FAM89A: variants seen among roughly 807,000 people sequenced by gnomAD.
FAM89A encodes the protein family with sequence similarity 89 member A, also known as protein FAM89A.
FAM89A carries 10 observed loss-of-function variants against 7.1 expected under a neutral mutation model. The observed-to-expected ratio is 1.40, with a 90% CI of 0.86 to 2.38. FAM89A has a LOEUF of 2.38. Among genes scored for constraint, FAM89A ranks in the 30% most tolerant of loss-of-function variants. FAM89A has a pLI of 0.00. For missense variants in FAM89A, 276 were observed against 262.8 expected (o/e 1.05, Z -0.35); for synonymous variants, 157 against 129.3 (o/e 1.21, Z -1.45).
At chr1:231,038,685 C>T (rs4543780) in intron 1 of FAM89A, among the ~76,000 whole-genome samples, 37,520 of 152,108 alleles carry the variant, frequency 0.25, 4,901 homozygotes, top group Non-Finnish European at 0.29. Context: ...TCAATGCCAG[C>T]TACAGAGTAG....
chr1:231,034,200 T>C (rs1019546839), intron 1 of FAM89A, among the ~76,000 whole-genome samples: 1 of 152,144 alleles, frequency 6.6e-6, no homozygotes, highest in African/African-American at 2.4e-5. Flanking sequence ...CCCCAAGCAA[T>C]ATGCTTGGTG....
At position 231,032,996 on chromosome 1, in the gene FAM89A, A is replaced by C. The variant is rs1680100266; in HGVS notation, c.291+6925T>G. On this transcript the variant is annotated intron_variant, in intron 1 of 1. Transcript: ENST00000366654. ...AAGGAAGTGAACAGAGAGTGCCCAC[A>C]AAAACGGGAAAGGCCACATGTCTTA... 1.3e-5 allele frequency among the ~76,000 whole-genome samples: 2 copies of C among 152,238 alleles called. 1 individual carries two copies. Among genetic ancestry groups the C allele is most frequent in the South Asian group, 4.1e-4 (2 of 4,830 alleles).
intron 1 of FAM89A, among the ~76,000 whole-genome samples, chr1:231,036,276 A>G (rs1236732011): frequency 1.3e-5 from 2 of 152,306 alleles, no homozygotes; most frequent in South Asian, 2.1e-4. Flanking sequence ...TTTTCTGTAA[A>G]GATGCCCACA....
intron 1 of FAM89A, among the ~76,000 whole-genome samples, chr1:231,036,059 G>A (rs1266348077): frequency 2.6e-5 from 4 of 152,212 alleles, no homozygotes; most frequent in African/African-American, 7.2e-5. Flanking sequence ...CCAAAATGGA[G>A]GGAAAAAACA....
intron 1 of FAM89A, among the ~76,000 whole-genome samples, chr1:231,033,387 A>G (rs1347816234): frequency 6.6e-6 from 1 of 152,248 alleles, no homozygotes; most frequent in South Asian, 2.1e-4. Flanking sequence ...GAGTTCCTGC[A>G]GGCATTCCCA....
intron 1 of FAM89A, 82 bp from the exon 2 acceptor site, chr1:231,020,208 G>A (rs1679849862): frequency 7.3e-7 from 1 of 1,362,902 alleles, no homozygotes; most frequent in Middle Eastern, 1.9e-4. Flanking sequence ...CCGGCGATCT[G>A]CGCCTGCCAG....
chr1:231,021,596 G>A (rs983604325), intron 1 of FAM89A: 1 of 1,399,698 alleles, frequency 7.1e-7, no homozygotes, highest in Non-Finnish European at 1.0e-6. Context: ...GAAACGAAAG[G>A]CACCAAAGAG....
chr1:231,020,234 C>G, intron 1 of FAM89A, 108 bp from the exon 2 acceptor site: 2 of 1,161,720 alleles, frequency 1.7e-6, no homozygotes, highest in Non-Finnish European at 1.2e-6. Flanking sequence ...TCCTTCCACA[C>G]GGCGCATGAT....
In FAM89A at chr1:231,039,983, C is replaced by T; in HGVS notation, c.229G>A (p.Ala77Thr). The change falls in exon 1 of 2, where the codon GCA becomes ACA. Residue 77 changes from alanine to threonine, a missense_variant. Physicochemically the swap from Ala to Thr is moderately conservative, Grantham distance 58 (BLOSUM62 0). Coordinates refer to ENST00000366654, the MANE Select transcript of FAM89A (RefSeq NM_198552.3). Reference protein sequence around the residue: ...GGPGGGGARAAALPAKPPNLD... With the variant: ...GGPGGGGARATALPAKPPNLD... ...TTGGGAGGCTTGGCGGGCAGCGCTG[C>T]CGCCCGGGCCCCGCCGCCGCCCGGG... The T allele has an allele frequency of 7.3e-7, 1 of 1,377,554 alleles. No homozygotes were observed. The highest frequency in any genetic ancestry group is 9.3e-7 in the Non-Finnish European group (1 of 1,073,242). The allele number at this position is 1,377,554 out of a possible 1,614,324, so 85.3% of individuals were successfully genotyped here.
chr1:231,039,883 C>T (rs1171191609), intron 1 of FAM89A, 38 bp downstream of exon 1: 3 of 1,281,470 alleles, frequency 2.3e-6, no homozygotes, highest in Non-Finnish European at 3.0e-6. Context: ...ACGGCGAGCC[C>T]GGCCGGGAAG....
intron 1 of FAM89A, among the ~76,000 whole-genome samples, chr1:231,027,191 A>G (rs115189306): frequency 0.047 from 7,202 of 152,196 alleles, 204 homozygotes; most frequent in Middle Eastern, 0.1. Context: ...TTCTCCTGAC[A>G]GTGCCATTTC....
chr1:231,039,820 G>A (rs1680227043), intron 1 of FAM89A, 101 bp downstream of exon 1: 1 of 1,148,156 alleles, frequency 8.7e-7, no homozygotes, highest in Non-Finnish European at 1.1e-6. Context: ...CCGAAAGGGC[G>A]GGTGGGCGCG....
chr1:231,038,989 G>A (rs937405913), intron 1 of FAM89A, among the ~76,000 whole-genome samples: 3 of 152,228 alleles, frequency 2.0e-5, no homozygotes, highest in African/African-American at 7.2e-5. Flanking sequence ...CTTTTAAAAC[G>A]AGGGGATTGG....
At chr1:231,036,724 A>C (rs1422739470) in intron 1 of FAM89A, among the ~76,000 whole-genome samples, 1 of 151,926 alleles carries the variant, frequency 6.6e-6, no homozygotes, top group Non-Finnish European at 1.5e-5. Context: ...AGATGGTATT[A>C]CTCCCTCAGC....
rs893565629 is a variant in FAM89A, at chr1:231,029,704, C to G, written c.292-9578G>C. Among the ~76,000 whole-genome samples the G allele has an allele frequency of 2.0e-5, 3 of 152,130 alleles. No homozygotes were observed. The East Asian group carries it at 5.8e-4, about 29-fold the overall frequency. ...GATCACAGGCCATTTTTATTCCTGGCTTTTCTGAATTTTCTAAGTTTTCTA... is the reference window on the plus strand; with the variant it reads ...GATCACAGGCCATTTTTATTCCTGGGTTTTCTGAATTTTCTAAGTTTTCTA... On this transcript the variant is annotated intron_variant, in intron 1 of 1. Coordinates refer to ENST00000366654, the MANE Select transcript of FAM89A (RefSeq NM_198552.3).
Position 231,025,414 on chromosome 1 carries a change from C to CT in FAM89A, c.292-5289dup, listed in dbSNP as rs554085295. ...TGGTTAGCTCAAACACTTTGTGACC[C>CT]TATATAAACTGTTGCTTCTCTGTCC... On this transcript the variant is annotated intron_variant, in intron 1 of 1. Coordinates refer to ENST00000366654, the MANE Select transcript of FAM89A (RefSeq NM_198552.3). Among the ~76,000 whole-genome samples, 368 of 152,260 alleles carry CT rather than the reference C, an allele frequency of 2.4e-3. 2 individuals are homozygous for CT. Among genetic ancestry groups the CT allele is most frequent in the Middle Eastern group, 3.4e-3 (1 of 294 alleles).
At chr1:231,033,362 T>C (rs1230402480) in intron 1 of FAM89A, among the ~76,000 whole-genome samples, 3 of 152,156 alleles carry the variant, frequency 2.0e-5, no homozygotes, top group Non-Finnish European at 4.4e-5. Flanking sequence ...CAAAGTGGGG[T>C]CTAAAGTCTC....
intron 1 of FAM89A, chr1:231,021,561 T>C (rs1572353132): frequency 9.2e-7 from 1 of 1,086,830 alleles, no homozygotes; most frequent in East Asian, 2.4e-5. Context: ...CAAACCTTGG[T>C]ATAGATCACT....
Sources: gnomAD v4.1 joint callset for allele counts (sites outside exome capture counted in the v4.1 genomes callset) on GRCh38, gnomAD v4.1.1 for gene constraint, MANE v1.5 for transcripts, NCBI Gene and HGNC (gene_info 2026-07-23, HGNC 2026-07-21) for gene names.